KLHL29: variants seen among roughly 807,000 people sequenced by gnomAD.
The protein encoded by KLHL29 is kelch like family member 29, also known as kelch-like protein 29.
A neutral mutation model predicts 80.4 loss-of-function variants in KLHL29; 21 were observed. The observed-to-expected ratio is 0.26, with a 90% CI of 0.19 to 0.38. The LOEUF is 0.38. Ranked by LOEUF, KLHL29 falls within the 10% of genes least tolerant of loss-of-function variation. The pLI is 1.00. For synonymous variants in KLHL29, 511 were observed against 526.8 expected, an observed-to-expected ratio of 0.97 and a Z score of 0.41; for missense variants, 867 against 1,223.9, an observed-to-expected ratio of 0.71 and a Z score of 4.35.
chr2:23,505,483 A>G (rs1046985231), intron 2 of KLHL29, among the ~76,000 whole-genome samples: 3 of 151,962 alleles, frequency 2.0e-5, no homozygotes, highest in Admixed American at 6.5e-5. Context: ...GTTCCTGCCC[A>G]TCTTTTTGTC....
At chr2:23,567,933 C>T (rs944011561) in intron 3 of KLHL29, among the ~76,000 whole-genome samples, 1 of 152,190 alleles carries the variant, frequency 6.6e-6, no homozygotes, top group African/African-American at 2.4e-5. Flanking sequence ...ATAACACAAC[C>T]TGTGCATGTT....
intron 5 of KLHL29, among the ~76,000 whole-genome samples, chr2:23,664,177 C>A (rs558491887): frequency 2.6e-5 from 4 of 152,142 alleles, no homozygotes; most frequent in Non-Finnish European, 5.9e-5. Flanking sequence ...CACCTCCCAT[C>A]GGAACGTTTT....
chr2:23,700,917 C>G lies in KLHL29; in HGVS notation c.2106-2269C>G, dbSNP rs1256507484. Among the ~76,000 whole-genome samples, 1 of 152,128 alleles carries G rather than the reference C, an allele frequency of 6.6e-6. No homozygotes were observed. The highest frequency in any genetic ancestry group is 1.5e-5 in the Non-Finnish European group (1 of 68,026). Reference sequence around the variant, plus strand: ...AGCTCCCCTCTTAAAGACTACATTTCCCCAGTTTGTCCTCAGCCCCCATGC... The same window carrying G: ...AGCTCCCCTCTTAAAGACTACATTTGCCCAGTTTGTCCTCAGCCCCCATGC... On this transcript the variant is annotated intron_variant, in intron 11 of 13. Transcript: ENST00000486442. The surrounding 1 kb of genome is among the most constrained non-coding windows in gnomAD (Gnocchi z 4.6).
chr2:23,435,102 A>T (rs558144397), intron 1 of KLHL29, among the ~76,000 whole-genome samples: 1 of 152,226 alleles, frequency 6.6e-6, no homozygotes, highest in African/African-American at 2.4e-5. Flanking sequence ...GGTGAGGAGG[A>T]TGTGAATTCA....
chr2:23,407,903 G>T (rs1666770587), intron 1 of KLHL29, among the ~76,000 whole-genome samples: 1 of 151,676 alleles, frequency 6.6e-6, no homozygotes, highest in East Asian at 1.9e-4. Flanking sequence ...TCTTTGTTGG[G>T]TTTTTTGTTG....
chr2:23,435,940 C>T (rs1187461812), intron 1 of KLHL29, among the ~76,000 whole-genome samples: 1 of 149,734 alleles, frequency 6.7e-6, no homozygotes, highest in African/African-American at 2.5e-5. Context: ...CTGTTGTTTC[C>T]CTCCTGGCTC....
chr2:23,567,181 TATTCTC>T (rs1475178972), intron 3 of KLHL29, among the ~76,000 whole-genome samples: 1 of 152,204 alleles, frequency 6.6e-6, no homozygotes, highest in African/African-American at 2.4e-5. Flanking sequence ...AAATTTAAAT[TATTCTC>T]AGCAAACCTG....
Position 23,430,670 on chromosome 2 carries a change from C to T in KLHL29, c.-154+44890C>T, listed in dbSNP as rs1663145441. Reference sequence around the variant, plus strand: ...TTCAGCTTTCACATTCCCCAGGAAACTCACCCTGCCTACCTCAGCCCACAG... The same window carrying T: ...TTCAGCTTTCACATTCCCCAGGAAATTCACCCTGCCTACCTCAGCCCACAG... On this transcript the variant is annotated intron_variant, in intron 1 of 13. Transcript: ENST00000486442. Among the ~76,000 whole-genome samples the T allele has an allele frequency of 2.6e-5, 4 of 152,226 alleles. No individual in the cohort carries two copies. The South Asian group carries it at 8.3e-4, about 32-fold the overall frequency.
intron 1 of KLHL29, among the ~76,000 whole-genome samples, chr2:23,444,605 C>T (rs1187013208): frequency 2.0e-5 from 3 of 152,144 alleles, no homozygotes; most frequent in African/African-American, 7.2e-5. Context: ...GGATTACAGG[C>T]GTGAACCACT....
At chr2:23,412,267 T>C (rs1275979823) in intron 1 of KLHL29, among the ~76,000 whole-genome samples, 2 of 152,008 alleles carry the variant, frequency 1.3e-5, no homozygotes, top group Non-Finnish European at 2.9e-5. Context: ...GGTGTGTCAA[T>C]GGTTGAGGAA....
chr2:23,413,150 G>A (rs115533319), intron 1 of KLHL29, among the ~76,000 whole-genome samples: 3,227 of 152,268 alleles, frequency 0.021, 58 homozygotes, highest in Middle Eastern at 0.058. Flanking sequence ...CGGTGAACTC[G>A]CAGGGTGTAG....
rs530794010 is a variant in KLHL29, at chr2:23,551,458, C to A, written c.-45-10694C>A. The stretch of plus-strand genomic sequence containing the variant: ...TTCTTTTAATATTGTTCATCTAAAA[C>A]GGGCACTAGTACTGCTTTTCCAAGA... On this transcript the variant is annotated intron_variant, in intron 2 of 13. Coordinates refer to ENST00000486442, the MANE Select transcript of KLHL29 (RefSeq NM_052920.2). 1.5e-3 allele frequency among the ~76,000 whole-genome samples: 229 copies of A among 152,230 alleles called. 1 individual carries two copies. The highest frequency in any genetic ancestry group is 5.4e-3 in the African/African-American group (224 of 41,520).
At chr2:23,661,337 G>A (rs1670400394) in intron 5 of KLHL29, among the ~76,000 whole-genome samples, 1 of 69,604 alleles carries the variant, frequency 1.4e-5, no homozygotes, top group Non-Finnish European at 3.6e-5. Context: ...TCAAGACCCT[G>A]TCTAAAAAAA....
intron 1 of KLHL29, among the ~76,000 whole-genome samples, chr2:23,387,848 T>G (rs76000109): frequency 2.6e-3 from 393 of 152,276 alleles, no homozygotes; most frequent in African/African-American, 9.2e-3. Context: ...CTATATGAAT[T>G]TAATGGCATT....
intron 2 of KLHL29, among the ~76,000 whole-genome samples, chr2:23,498,678 T>C (rs1191522809): frequency 1.3e-5 from 2 of 152,266 alleles, no homozygotes; most frequent in African/African-American, 4.8e-5. Flanking sequence ...AGATGTCCTA[T>C]ACTGTGCTGG....
chr2:23,556,294 C>T (rs1667293331), intron 2 of KLHL29, among the ~76,000 whole-genome samples: 1 of 152,188 alleles, frequency 6.6e-6, no homozygotes, highest in East Asian at 1.9e-4. Flanking sequence ...AAGATGACCC[C>T]CCTCGCGGAG....
chr2:23,664,535 C>T (rs760295238), intron 5 of KLHL29, among the ~76,000 whole-genome samples: 4 of 152,196 alleles, frequency 2.6e-5, no homozygotes, highest in East Asian at 3.8e-4. Context: ...GCAAGATCAC[C>T]GCACAGAACA....
intron 1 of KLHL29, among the ~76,000 whole-genome samples, chr2:23,467,877 C>T (rs961372385): frequency 2.0e-5 from 3 of 151,876 alleles, no homozygotes; most frequent in Admixed American, 6.6e-5. Flanking sequence ...TTGGTTCCAC[C>T]GCCTTCTGAG....
At chr2:23,535,273 C>T (rs763517470) in intron 2 of KLHL29, among the ~76,000 whole-genome samples, 2 of 152,176 alleles carry the variant, frequency 1.3e-5, no homozygotes, top group African/African-American at 2.4e-5. Flanking sequence ...CCCTTTAAGT[C>T]CTGAGCTAGG....
Sources: gnomAD v4.1 joint callset for allele counts (sites outside exome capture counted in the v4.1 genomes callset) on GRCh38, gnomAD v4.1.1 for gene constraint, Gnocchi (gnomAD v3.1) non-coding constraint, MANE v1.5 for transcripts, NCBI Gene and HGNC (gene_info 2026-07-23, HGNC 2026-07-21) for gene names.